ABCB11: variants seen among roughly 807,000 people sequenced by gnomAD.
ABCB11 encodes the protein ATP binding cassette subfamily B member 11, also known as bile salt export pump.
A neutral mutation model predicts 148.0 loss-of-function variants in ABCB11; 95 were observed. That is an observed-to-expected ratio of 0.64 (90% CI 0.54 to 0.76). ABCB11 has a LOEUF of 0.76. ABCB11 is among the 30% of genes least tolerant of loss of function. The pLI is 0.00. For missense variants in ABCB11, 1,523 were observed against 1,617.8 expected (o/e 0.94, Z 1.01); for synonymous variants, 591 against 555.4 (o/e 1.06, Z -0.90).
At chr2:168,958,180 T>A in intron 18 of ABCB11, 52 bp from the exon 19 acceptor site, 1 of 1,544,654 alleles carries the variant, frequency 6.5e-7, no homozygotes, top group Non-Finnish European at 8.9e-7. Flanking sequence ...CAAGACATTT[T>A]GCAGCAGATC....
intron 14 of ABCB11, chr2:168,970,458 CTT>C (rs1693535947): frequency 1.9e-6 from 2 of 1,063,268 alleles, no homozygotes; most frequent in African/African-American, 3.2e-5. Flanking sequence ...AAATATTCCT[CTT>C]TAGCTCAACT....
At chr2:168,926,234 C>A (rs1452969419) in intron 26 of ABCB11, among the ~76,000 whole-genome samples, 1 of 152,048 alleles carries the variant, frequency 6.6e-6, no homozygotes, top group Non-Finnish European at 1.5e-5. Context: ...AATGCAGAGT[C>A]AATATTGCGC....
intron 17 of ABCB11, among the ~76,000 whole-genome samples, chr2:168,966,058 G>A (rs1021293080): frequency 2.0e-5 from 3 of 151,636 alleles, no homozygotes; most frequent in Non-Finnish European, 4.4e-5. Flanking sequence ...CAAACTTCTG[G>A]GACACCTCCA....
intron 21 of ABCB11, among the ~76,000 whole-genome samples, chr2:168,942,568 T>A (rs1316491776): frequency 6.6e-6 from 1 of 151,728 alleles, no homozygotes; most frequent in African/African-American, 2.4e-5. Flanking sequence ...AGAATGACTA[T>A]AATAAATAAT....
At chr2:168,916,997 A>G (rs560399922), downstream of ABCB11, among the ~76,000 whole-genome samples, 124 of 152,310 alleles carry the variant, frequency 8.1e-4, no homozygotes, top group African/African-American at 2.9e-3. Context: ...GGCAAACTAT[A>G]CCTAATTATG....
intron 16 of ABCB11, 108 bp from the exon 17 acceptor site, chr2:168,968,598 C>A: frequency 1.2e-6 from 1 of 863,408 alleles, no homozygotes; most frequent in South Asian, 2.2e-5. Flanking sequence ...ATGTCAAATG[C>A]CAAAACATTC....
At chr2:169,015,197 C>T (rs1163024897) in intron 3 of ABCB11, among the ~76,000 whole-genome samples, 1 of 152,056 alleles carries the variant, frequency 6.6e-6, no homozygotes, top group Non-Finnish European at 1.5e-5. Flanking sequence ...CACCATCATC[C>T]TCAATTATTT....
rs537051095 is a variant in ABCB11 at position 168,921,294 on chromosome 2, C to T, written c.*2328G>A. ...CTGGAAAAGAGACATAAATAATATACCTCCATATCCTAGTGTCCTGGCTTA... is the reference window on the plus strand; with the variant it reads ...CTGGAAAAGAGACATAAATAATATATCTCCATATCCTAGTGTCCTGGCTTA... On this transcript the variant is annotated 3_prime_UTR_variant, in exon 28 of 28. Transcript: ENST00000650372. Among the ~76,000 whole-genome samples the T allele has an allele frequency of 6.6e-5, 10 of 152,256 alleles. No homozygotes were observed. Among genetic ancestry groups the T allele is most frequent in the Non-Finnish European group, 1.0e-4 (7 of 68,026 alleles).
chr2:168,957,806 C>T (rs1692863239), intron 19 of ABCB11, among the ~76,000 whole-genome samples, 158 bp downstream of exon 19: 1 of 151,584 alleles, frequency 6.6e-6, no homozygotes, highest in Non-Finnish European at 1.5e-5. Flanking sequence ...CCTTCTTACC[C>T]TCTGTGTGAT....
At chr2:168,949,661 G>C (rs1692472836) in intron 19 of ABCB11, among the ~76,000 whole-genome samples, 1 of 151,582 alleles carries the variant, frequency 6.6e-6, no homozygotes, top group Non-Finnish European at 1.5e-5. Context: ...AAACATATGA[G>C]TGCAGGTATC....
chr2:168,959,896 G>T (rs1236593149), intron 18 of ABCB11, among the ~76,000 whole-genome samples: 1 of 132,960 alleles, frequency 7.5e-6, no homozygotes, highest in African/African-American at 2.8e-5. Flanking sequence ...TTTGTCTCTG[G>T]TTCAGGGTAC....
chr2:168,926,294 A>G (rs1485797935), intron 26 of ABCB11, among the ~76,000 whole-genome samples: 1 of 152,130 alleles, frequency 6.6e-6, no homozygotes, highest in Non-Finnish European at 1.5e-5. Context: ...GGCAGGTGTA[A>G]CTTACCCACC....
intron 1 of ABCB11, among the ~76,000 whole-genome samples, chr2:169,024,065 A>G (rs1695618589): frequency 6.6e-6 from 1 of 152,164 alleles, no homozygotes; most frequent in Non-Finnish European, 1.5e-5. Context: ...TGGGGAGAGC[A>G]TTAGGAAAAA....
chr2:168,992,141 T>C (rs897537244), intron 8 of ABCB11, among the ~76,000 whole-genome samples: 7 of 151,996 alleles, frequency 4.6e-5, no homozygotes, highest in African/African-American at 1.7e-4. Context: ...GTATAGTTGC[T>C]TGTAGAAGTT....
At chr2:168,980,781 A>G (rs1478466835) in intron 10 of ABCB11, among the ~76,000 whole-genome samples, 3 of 152,130 alleles carry the variant, frequency 2.0e-5, no homozygotes, top group Non-Finnish European at 2.9e-5. Context: ...CAATGCAGTC[A>G]TCTCATTACC....
intron 5 of ABCB11, among the ~76,000 whole-genome samples, chr2:169,002,756 A>C (rs1033382739): frequency 6.6e-6 from 1 of 152,118 alleles, no homozygotes; most frequent in African/African-American, 2.4e-5. Flanking sequence ...AGAGAGTAAA[A>C]TGGTAGTTAC....
chr2:168,924,639 T>C lies in ABCB11; in HGVS notation c.3765+18A>G, dbSNP rs1164073145. Reference sequence around the variant, plus strand: ...ACTTATTTGTAATGATCTAAGACTTTAGAAATTCAACACTTACCTTTTCAC... The same window carrying C: ...ACTTATTTGTAATGATCTAAGACTTCAGAAATTCAACACTTACCTTTTCAC... On this transcript the variant is annotated intron_variant, in intron 27 of 27. Coordinates refer to ENST00000650372, the MANE Select transcript of ABCB11 (RefSeq NM_003742.4). The C allele has an allele frequency of 1.9e-6, 3 of 1,613,284 alleles. No individual in the cohort carries two copies. Among genetic ancestry groups the C allele is most frequent in the Middle Eastern group, 1.7e-4 (1 of 6,060 alleles).
chr2:168,965,534 G>A (rs1250738081), intron 17 of ABCB11, among the ~76,000 whole-genome samples: 1 of 151,836 alleles, frequency 6.6e-6, no homozygotes, highest in Non-Finnish European at 1.5e-5. Flanking sequence ...AGCATCTTTG[G>A]AATATTTAGT....
chr2:168,973,546 C>A (rs1693687472), intron 13 of ABCB11, among the ~76,000 whole-genome samples, 169 bp downstream of exon 13: 1 of 152,142 alleles, frequency 6.6e-6, no homozygotes, highest in Non-Finnish European at 1.5e-5. Context: ...ATTCACTGAA[C>A]ACTGTTACCA....
Sources: gnomAD v4.1 joint callset for allele counts (sites outside exome capture counted in the v4.1 genomes callset) on GRCh38, gnomAD v4.1.1 for gene constraint, MANE v1.5 for transcripts, NCBI Gene and HGNC (gene_info 2026-07-23, HGNC 2026-07-21) for gene names.